Variants in ZNF846 observed in about 807,000 individuals in gnomAD.
ZNF846 encodes zinc finger protein 846.
In ZNF846, 15 loss-of-function variants were observed where a neutral mutation model predicts 16.0. The observed-to-expected ratio is 0.94, with a 90% CI of 0.63 to 1.45. ZNF846 has a LOEUF of 1.45. Ranked by LOEUF, ZNF846 falls within the 40% of genes most tolerant of loss-of-function variation. The pLI is 0.00. For synonymous variants in ZNF846, 229 were observed against 212.0 expected (o/e 1.08, Z -0.70); for missense variants, 714 against 622.3 (o/e 1.15, Z -1.57).
intron 1 of ZNF846, among the ~76,000 whole-genome samples, chr19:9,766,542 CG>C (rs1292198881): frequency 1.3e-5 from 2 of 151,990 alleles, no homozygotes; most frequent in African/African-American, 4.8e-5. Flanking sequence ...GCCTGGCACA[CG>C]TATGCATGTT....
downstream of ZNF846, chr19:9,756,123 AG>A (rs887353183): frequency 2.0e-5 from 3 of 149,538 alleles, no homozygotes; most frequent in Non-Finnish European, 4.4e-5. Context: ...TACAAGCATG[AG>A]TCACCACGCC....
upstream of ZNF846, among the ~76,000 whole-genome samples, chr19:9,771,264 G>A (rs1287150746): frequency 1.3e-5 from 2 of 151,766 alleles, no homozygotes; most frequent in African/African-American, 4.8e-5. Context: ...GGCAACCTCC[G>A]CCTCCCAGGT....
intron 1 of ZNF846, chr19:9,774,491 T>G: frequency 1.1e-6 from 1 of 938,004 alleles, no homozygotes; most frequent in Middle Eastern, 2.5e-4. Context: ...AAATACCAAA[T>G]CCAAGATGGC....
At chr19:9,769,830 A>C (rs550351174), upstream of ZNF846, among the ~76,000 whole-genome samples, 1 of 152,060 alleles carries the variant, frequency 6.6e-6, no homozygotes, top group African/African-American at 2.4e-5. Flanking sequence ...ATTTTTTAAA[A>C]AATAGCCGGG....
chr19:9,778,836 G>T (rs1599402806), intron 1 of ZNF846, among the ~76,000 whole-genome samples: 1 of 147,488 alleles, frequency 6.8e-6, no homozygotes, highest in South Asian at 2.1e-4. Flanking sequence ...AAGACGCAAG[G>T]TCTCGCTATG....
chr19:9,761,584 G>T (rs1253673015), intron 4 of ZNF846, among the ~76,000 whole-genome samples: 1 of 151,826 alleles, frequency 6.6e-6, no homozygotes, highest in Non-Finnish European at 1.5e-5. Flanking sequence ...GGTGTCAGGT[G>T]CCTGTAATCT....
At chr19:9,773,313 C>T (rs565104279), upstream of ZNF846, among the ~76,000 whole-genome samples, 8 of 152,222 alleles carry the variant, frequency 5.3e-5, no homozygotes, top group African/African-American at 1.9e-4. Flanking sequence ...AGGCGTGCAA[C>T]ACCACACCCA....
downstream of ZNF846, among the ~76,000 whole-genome samples, chr19:9,753,508 C>G (rs182355593): frequency 2.6e-5 from 4 of 151,230 alleles, no homozygotes; most frequent in Non-Finnish European, 5.9e-5. Flanking sequence ...CCCACCTTGG[C>G]CTCCCAAAGT....
downstream of ZNF846, among the ~76,000 whole-genome samples, chr19:9,754,615 G>T (rs2045116785): frequency 6.9e-6 from 1 of 144,754 alleles, no homozygotes; most frequent in Admixed American, 6.9e-5. Context: ...GTTGGATTGT[G>T]TATTTTAATC....
At chr19:9,758,902 C>T (rs2045178233) in intron 5 of ZNF846, 138 bp from the exon 6 acceptor site, 3 of 727,300 alleles carry the variant, frequency 4.1e-6, no homozygotes, top group Non-Finnish European at 6.1e-6. Flanking sequence ...GAGTTCCAGC[C>T]CCATTTTTGA....
chr19:9,782,028 C>G (rs923006639), intron 1 of ZNF846, among the ~76,000 whole-genome samples: 1 of 152,062 alleles, frequency 6.6e-6, no homozygotes, highest in African/African-American at 2.4e-5. Flanking sequence ...CCACCCACCT[C>G]AGCCTCCCAA....
upstream of ZNF846, among the ~76,000 whole-genome samples, chr19:9,770,507 G>T (rs2045381198): frequency 6.9e-6 from 1 of 145,836 alleles, no homozygotes. Flanking sequence ...GGCTTTTTTG[G>T]ATAATACAAG....
chr19:9,765,643 A>C (rs1474085712), intron 1 of ZNF846, among the ~76,000 whole-genome samples: 2 of 152,238 alleles, frequency 1.3e-5, no homozygotes, highest in Non-Finnish European at 2.9e-5. Flanking sequence ...ACTGCACTCC[A>C]GCCTGGGTGA....
intron 1 of ZNF846, 61 bp downstream of exon 1, chr19:9,768,228 C>A (rs1368360266): frequency 6.6e-6 from 1 of 152,210 alleles, no homozygotes; most frequent in Non-Finnish European, 1.5e-5. Flanking sequence ...TGAGCAATTT[C>A]GCAAACTTCA....
chr19:9,781,777 A>AT (rs112251619), intron 1 of ZNF846, among the ~76,000 whole-genome samples: 6,263 of 139,986 alleles, frequency 0.045, 327 homozygotes, highest in African/African-American at 0.11. Context: ...AGGGCAAACA[A>AT]TTTTTTTTTT....
downstream of ZNF846, among the ~76,000 whole-genome samples, chr19:9,752,851 A>G (rs1461764546): frequency 6.6e-6 from 1 of 152,148 alleles, no homozygotes; most frequent in Admixed American, 6.6e-5. Flanking sequence ...AGTTACTGCT[A>G]TGAGTTGCCT....
upstream of ZNF846, among the ~76,000 whole-genome samples, chr19:9,769,797 G>A (rs2045373130): frequency 6.6e-6 from 1 of 151,854 alleles, no homozygotes; most frequent in Non-Finnish European, 1.5e-5. Context: ...CCAACATGCC[G>A]AAACCCCATC....
At chr19:9,762,301 CA>C (rs2045244176) in intron 3 of ZNF846, 133 bp from the exon 4 acceptor site, 1 of 674,396 alleles carries the variant, frequency 1.5e-6, no homozygotes, top group African/African-American at 1.8e-5. Context: ...GCAAACTAAT[CA>C]TATAACATTT....
intron 1 of ZNF846, among the ~76,000 whole-genome samples, chr19:9,765,285 G>A (rs2045296943): frequency 6.6e-6 from 1 of 152,164 alleles, no homozygotes; most frequent in Non-Finnish European, 1.5e-5. Flanking sequence ...CGAGGTGGGG[G>A]AATCACTTGA....
Sources: allele counts gnomAD v4.1 joint callset (sites outside exome capture counted in the v4.1 genomes callset), GRCh38; gene constraint gnomAD v4.1.1; transcripts MANE v1.5; gene names NCBI Gene and HGNC (gene_info 2026-07-23, HGNC 2026-07-21).